PRIM2: variants seen among roughly 807,000 people sequenced by gnomAD.
PRIM2 encodes DNA primase large subunit.
PRIM2 carries 39 observed loss-of-function variants against 67.3 expected under a neutral mutation model. The ratio of observed to expected loss-of-function variants is 0.58; its 90% confidence interval spans 0.45 to 0.76. PRIM2 has a LOEUF of 0.76. PRIM2 is among the 30% of genes least tolerant of loss of function. The pLI is 0.00. For synonymous variants in PRIM2, 143 were observed against 198.7 expected (o/e 0.72, Z 2.36); for missense variants, 398 against 598.7 (o/e 0.66, Z 3.50).
chr6:57,449,137 T>A (rs1772455336), intron 7 of PRIM2, among the ~76,000 whole-genome samples: 1 of 152,158 alleles, frequency 6.6e-6, no homozygotes, highest in Non-Finnish European at 1.5e-5. Context: ...AATCTTTAAA[T>A]CAAATTGAGG....
intron 10 of PRIM2, among the ~76,000 whole-genome samples, chr6:57,540,751 C>G (rs1439094163): frequency 3.3e-5 from 5 of 151,614 alleles, no homozygotes; most frequent in Non-Finnish European, 2.9e-5. Flanking sequence ...GAAATGTAAA[C>G]AAATGTAAAG....
chr6:57,410,717 CT>C (rs1272389377), intron 7 of PRIM2, among the ~76,000 whole-genome samples: 2 of 151,678 alleles, frequency 1.3e-5, no homozygotes, highest in African/African-American at 4.8e-5. Flanking sequence ...AACTGTATGC[CT>C]TTTATTTATT....
At chr6:57,527,355 A>G (rs1290736221) in intron 8 of PRIM2, among the ~76,000 whole-genome samples, 1 of 152,188 alleles carries the variant, frequency 6.6e-6, no homozygotes, top group Non-Finnish European at 1.5e-5. Context: ...GCACTCAGTC[A>G]CTCAGGCTAG....
intron 13 of PRIM2, among the ~76,000 whole-genome samples, chr6:57,633,130 A>G (rs1313357580): frequency 6.6e-6 from 1 of 152,202 alleles, no homozygotes; most frequent in East Asian, 1.9e-4. Context: ...TTGCCCTATT[A>G]GAGGCATTCA....
intron 7 of PRIM2, chr6:57,382,520 G>C (rs1344261624): frequency 6.0e-6 from 1 of 166,840 alleles, no homozygotes; most frequent in East Asian, 1.6e-4. Flanking sequence ...ATAACTCCTA[G>C]ATTTCTGTTC....
chr6:57,590,587 A>C (rs1776266988), intron 10 of PRIM2, among the ~76,000 whole-genome samples: 1 of 152,166 alleles, frequency 6.6e-6, no homozygotes, highest in Admixed American at 6.5e-5. Context: ...CAGGTTGGCC[A>C]GGGTGATAAG....
At chr6:57,499,584 G>C (rs1774086091) in intron 7 of PRIM2, among the ~76,000 whole-genome samples, 1 of 151,996 alleles carries the variant, frequency 6.6e-6, no homozygotes, top group African/African-American at 2.4e-5. Flanking sequence ...ATACCCTTTG[G>C]TCCTTCAGTC....
At chr6:57,609,854 G>A (rs1479793528) in intron 12 of PRIM2, among the ~76,000 whole-genome samples, 7 of 152,202 alleles carry the variant, frequency 4.6e-5, no homozygotes, top group African/African-American at 1.7e-4. Flanking sequence ...AGAGTTAATG[G>A]ATGAAAATTC....
Position 57,320,574 on chromosome 6 carries a change from GA to G in PRIM2, c.258+22del, listed in dbSNP as rs375121976. ...TTTTCCTACAGAGTAAGTAAAAAAG[GA>G]AAAAAAAGTTCCTTCAGTTTCTATG... On this transcript the variant is annotated intron_variant, in intron 3 of 13. Coordinates refer to ENST00000615550, the MANE Select transcript of PRIM2 (RefSeq NM_000947.5). 1.4e-3 allele frequency: 2,192 copies of G among 1,538,658 alleles called. 21 individuals are homozygous for G. The East Asian group carries it at 0.016, about 12-fold the overall frequency.
upstream of PRIM2, among the ~76,000 whole-genome samples, chr6:57,315,784 T>A (rs1040683282): frequency 1.3e-5 from 2 of 152,156 alleles, no homozygotes; most frequent in Non-Finnish European, 2.9e-5. Flanking sequence ...TGCATAATTT[T>A]ATACTTTTTA....
chr6:57,374,728 T>C (rs1769698304), intron 5 of PRIM2, among the ~76,000 whole-genome samples: 1 of 151,792 alleles, frequency 6.6e-6, no homozygotes, highest in African/African-American at 2.4e-5. Flanking sequence ...GTAGCTGGGA[T>C]TACAGGTGTG....
chr6:57,366,609 T>C (rs1291191683), intron 5 of PRIM2, among the ~76,000 whole-genome samples: 1 of 152,110 alleles, frequency 6.6e-6, no homozygotes, highest in Admixed American at 6.5e-5. Flanking sequence ...AGCAGTCCAT[T>C]TGGACAGTGG....
chr6:57,468,860 G>A (rs1241588703), intron 7 of PRIM2, among the ~76,000 whole-genome samples: 3 of 152,182 alleles, frequency 2.0e-5, no homozygotes, highest in Non-Finnish European at 4.4e-5. Context: ...CTTCATGTAT[G>A]TTCAGGGCCA....
chr6:57,595,286 A>G (rs1423132889), intron 10 of PRIM2, among the ~76,000 whole-genome samples: 1 of 152,220 alleles, frequency 6.6e-6, no homozygotes, highest in Non-Finnish European at 1.5e-5. Context: ...TTGATTGAGA[A>G]TAGCCAAAAA....
chr6:57,476,817 G>A (rs1184839418), intron 7 of PRIM2, among the ~76,000 whole-genome samples: 1 of 151,782 alleles, frequency 6.6e-6, no homozygotes, highest in South Asian at 2.1e-4. Context: ...GTGCGATCTC[G>A]GCTCACTGCA....
chr6:57,424,570 A>C (rs1410306722), intron 7 of PRIM2, among the ~76,000 whole-genome samples: 6 of 152,334 alleles, frequency 3.9e-5, no homozygotes, highest in African/African-American at 1.4e-4. Flanking sequence ...CAGCTTCATA[A>C]AAAGACTTTA....
chr6:57,448,299 T>C (rs985671406), intron 7 of PRIM2, among the ~76,000 whole-genome samples: 2 of 152,166 alleles, frequency 1.3e-5, no homozygotes, highest in South Asian at 2.1e-4. Flanking sequence ...GAAAATGGAA[T>C]ATTCCTTTAA....
chr6:57,353,246 A>G lies in PRIM2; in HGVS notation c.460-26655A>G, dbSNP rs540391851. 5.3e-5 allele frequency among the ~76,000 whole-genome samples: 8 copies of G among 152,138 alleles called. No individual in the cohort carries two copies. The South Asian group carries it at 1.7e-3, about 32-fold the overall frequency. On this transcript the variant is annotated intron_variant, in intron 5 of 13. Coordinates refer to ENST00000615550, the MANE Select transcript of PRIM2 (RefSeq NM_000947.5). ...CAAAGCACTGTAAATTATATTTACA[A>G]TATCACCACTTGAGTAAGTACTTAA...
intron 12 of PRIM2, among the ~76,000 whole-genome samples, chr6:57,620,113 T>C (rs1310431419): frequency 1.1e-4 from 16 of 152,186 alleles, no homozygotes; most frequent in Admixed American, 5.9e-4. Flanking sequence ...GGAGAATCGC[T>C]TGAACCTGGG....
Sources: gnomAD v4.1 joint callset for allele counts (sites outside exome capture counted in the v4.1 genomes callset) on GRCh38, gnomAD v4.1.1 for gene constraint, MANE v1.5 for transcripts, NCBI Gene and HGNC (gene_info 2026-07-23, HGNC 2026-07-21) for gene names.